Variants in EPHA7 observed in about 807,000 individuals in gnomAD.
EPHA7 encodes the protein ephrin type-A receptor 7.
Under a neutral mutation model 112.6 loss-of-function variants are expected in EPHA7, and 25 were observed. That is an observed-to-expected ratio of 0.22 (90% CI 0.16 to 0.31). EPHA7 has a LOEUF of 0.31. Among genes scored for constraint, EPHA7 ranks in the 10% least tolerant of loss-of-function variants. The pLI, the probability that EPHA7 is intolerant of heterozygous loss-of-function variation, is 1.00. For missense variants in EPHA7, 962 were observed against 1,212.6 expected, an observed-to-expected ratio of 0.79 and a Z score of 3.07; for synonymous variants, 437 against 406.5, an observed-to-expected ratio of 1.07 and a Z score of -0.90.
At chr6:93,412,533 A>G (rs997227875) in intron 2 of EPHA7, among the ~76,000 whole-genome samples, 5 of 152,064 alleles carry the variant, frequency 3.3e-5, no homozygotes, top group African/African-American at 1.2e-4. Flanking sequence ...CAAATGTAGT[A>G]AAGAACCCAT....
At chr6:93,393,952 C>T (rs370037439) in intron 3 of EPHA7, among the ~76,000 whole-genome samples, 25 of 151,842 alleles carry the variant, frequency 1.6e-4, no homozygotes, top group South Asian at 1.0e-3. Context: ...TAAATTTTTA[C>T]GAGTAGAGTT....
chr6:93,374,233 C>A (rs1387078394), intron 3 of EPHA7, among the ~76,000 whole-genome samples: 7 of 152,100 alleles, frequency 4.6e-5, no homozygotes, highest in African/African-American at 1.7e-4. Context: ...TTAGTGAAGC[C>A]ATATCTGACC....
At chr6:93,418,790 G>A (rs1410901403) in intron 1 of EPHA7, among the ~76,000 whole-genome samples, 2 of 152,204 alleles carry the variant, frequency 1.3e-5, no homozygotes, top group Admixed American at 6.5e-5. Flanking sequence ...CCCGCCACTC[G>A]CCGGCGGGCT....
rs547596284 is a variant in EPHA7 at position 93,356,648 on chromosome 6, T to C, written c.1324+69A>G. On this transcript the variant is annotated intron_variant, in intron 5 of 16. Transcript: ENST00000369303. ...GCTCTGTGCAGAGAAACTAACTAAATGTTCAAGTAAGACACCTCACTTAGG... is the reference window on the plus strand; with the variant it reads ...GCTCTGTGCAGAGAAACTAACTAAACGTTCAAGTAAGACACCTCACTTAGG... 62 of 1,381,364 alleles carry C rather than the reference T, an allele frequency of 4.5e-5. No individual in the cohort carries two copies. In the South Asian group the frequency reaches 7.5e-4, roughly 17 times the overall value. The allele number at this position is 1,381,364 out of a possible 1,614,324, so 85.6% of individuals were successfully genotyped here. A position where few individuals can be genotyped will look rare whatever the true frequency, so the allele number is the denominator to read the frequency against.
At chr6:93,292,498 G>T (rs189301317) in intron 5 of EPHA7, among the ~76,000 whole-genome samples, 2,270 of 150,738 alleles carry the variant, frequency 0.015, 51 homozygotes, top group Middle Eastern at 0.052. Flanking sequence ...GAAAAGTTGT[G>T]TTTTTTTTTG....
At chr6:93,254,188 C>A (rs1241779874) in intron 14 of EPHA7, among the ~76,000 whole-genome samples, 1 of 151,728 alleles carries the variant, frequency 6.6e-6, no homozygotes, top group Admixed American at 6.6e-5. Flanking sequence ...CTAGATTGTC[C>A]CATGAAACTA....
At chr6:93,352,850 C>T (rs1775762732) in intron 5 of EPHA7, among the ~76,000 whole-genome samples, 1 of 152,158 alleles carries the variant, frequency 6.6e-6, no homozygotes, top group Non-Finnish European at 1.5e-5. Flanking sequence ...AAACCAAATA[C>T]CACATGTTCT....
intron 3 of EPHA7, 73 bp from the exon 4 acceptor site, chr6:93,358,484 A>C (rs538359535): frequency 3.1e-6 from 4 of 1,304,730 alleles, no homozygotes; most frequent in Non-Finnish European, 4.2e-6. Flanking sequence ...TGTATTATTT[A>C]GCAAGGAATC....
intron 3 of EPHA7, among the ~76,000 whole-genome samples, chr6:93,362,564 C>T (rs560515725): frequency 5.7e-4 from 87 of 152,134 alleles, no homozygotes; most frequent in Non-Finnish European, 1.2e-3. Flanking sequence ...ACCTTCTATG[C>T]TGATTCTCCA....
chr6:93,273,553 G>A (rs1771333008), intron 5 of EPHA7, among the ~76,000 whole-genome samples: 2 of 151,774 alleles, frequency 1.3e-5, no homozygotes, highest in Non-Finnish European at 2.9e-5. Context: ...TTTCTGGCTT[G>A]GCGATTTTGA....
rs474809 is a variant in EPHA7, at chr6:93,410,474, G to A, written c.832+27C>T. On this transcript the variant is annotated intron_variant, in intron 3 of 16. Transcript: ENST00000369303. The surrounding 1 kb of genome is among the most constrained non-coding windows in gnomAD (Gnocchi z 4.0). ...ATACTGAAATTTAAAAAGGCAAAGTGGAGTTTTAATAGGACACATTACTTA... is the reference window on the plus strand; with the variant it reads ...ATACTGAAATTTAAAAAGGCAAAGTAGAGTTTTAATAGGACACATTACTTA... 756,626 of 1,566,492 alleles carry A rather than the reference G, an allele frequency of 0.48. 190,263 individuals carry two copies. Among genetic ancestry groups the A allele is most frequent in the African/African-American group, 0.79 (57,737 of 72,816 alleles).
chr6:93,266,847 G>A (rs75884500), intron 7 of EPHA7, among the ~76,000 whole-genome samples: 9,433 of 151,734 alleles, frequency 0.062, 389 homozygotes, highest in Middle Eastern at 0.11. Context: ...ATCATGAACT[G>A]TGTGTTTCTG....
Position 93,242,576 on chromosome 6 carries a change from A to G in EPHA7, c.*850T>C. 4.8e-6 allele frequency: 1 copy of G among 209,810 alleles called. No homozygotes were observed. The highest frequency in any genetic ancestry group is 9.7e-6 in the Non-Finnish European group (1 of 102,886). 13.0% of individuals were successfully genotyped at this position (209,810 alleles called of 1,614,324 possible). On this transcript the variant is annotated 3_prime_UTR_variant, in exon 17 of 17. Transcript: ENST00000369303. ...GATGAAGTGCCTCATTTGTTTATATACTCATAAACCTAAACTTCGAGTTTA... is the reference window on the plus strand; with the variant it reads ...GATGAAGTGCCTCATTTGTTTATATGCTCATAAACCTAAACTTCGAGTTTA...
At chr6:93,377,997 A>C (rs1390218205) in intron 3 of EPHA7, among the ~76,000 whole-genome samples, 2 of 151,892 alleles carry the variant, frequency 1.3e-5, no homozygotes, top group Non-Finnish European at 2.9e-5. Flanking sequence ...TAATAAATTA[A>C]ACCATTCTAA....
rs753761090 is a variant in EPHA7 at position 93,241,148 on chromosome 6, C to T, written c.*2278G>A. On this transcript the variant is annotated 3_prime_UTR_variant, in exon 17 of 17. Coordinates refer to ENST00000369303, the MANE Select transcript of EPHA7 (RefSeq NM_004440.4). ...TGCTAGAAAAAAGCAGGAAAGACAC[C>T]GTTTGCATGTACCATACTATGTCTT... 1 of 206,382 alleles carries T rather than the reference C, an allele frequency of 4.8e-6. No individual in the cohort carries two copies. Among genetic ancestry groups the T allele is most frequent in the Non-Finnish European group, 9.9e-6 (1 of 101,022 alleles). 12.8% of individuals were successfully genotyped at this position (206,382 alleles called of 1,614,324 possible). A position where few individuals can be genotyped will look rare whatever the true frequency, so the allele number is the denominator to read the frequency against.
At chr6:93,386,723 T>C (rs1252403076) in intron 3 of EPHA7, among the ~76,000 whole-genome samples, 2 of 151,296 alleles carry the variant, frequency 1.3e-5, no homozygotes, top group Non-Finnish European at 1.5e-5. Flanking sequence ...ATGCATCATC[T>C]GAAATTTAGG....
chr6:93,357,651 A>G (rs1776019289), intron 4 of EPHA7, among the ~76,000 whole-genome samples: 1 of 133,858 alleles, frequency 7.5e-6, no homozygotes, highest in African/African-American at 3.1e-5. Context: ...CAAGACCCTA[A>G]TAACTTTTTT....
chr6:93,280,641 C>T (rs914431005), intron 5 of EPHA7, among the ~76,000 whole-genome samples: 1 of 152,094 alleles, frequency 6.6e-6, no homozygotes, highest in Admixed American at 6.6e-5. Flanking sequence ...TAGTCCGTGG[C>T]TTATTTGCTG....
intron 5 of EPHA7, among the ~76,000 whole-genome samples, chr6:93,341,733 C>T (rs1346549055): frequency 6.6e-6 from 1 of 151,758 alleles, no homozygotes; most frequent in African/African-American, 2.4e-5. Context: ...ATGTTAGCTA[C>T]AGTTAATAAT....
Sources: allele counts gnomAD v4.1 joint callset (sites outside exome capture counted in the v4.1 genomes callset), GRCh38; gene constraint gnomAD v4.1.1; non-coding constraint Gnocchi (gnomAD v3.1); transcripts MANE v1.5; gene names NCBI Gene and HGNC (gene_info 2026-07-23, HGNC 2026-07-21).